Variants in GARIN1A observed in about 807,000 individuals in gnomAD.
GARIN1A encodes the protein golgi associated RAB2 interactor 1A.
chr7:128,709,100 A>AT, the GARIN1A span: 2 of 152,156 alleles, frequency 1.3e-5, no homozygotes, highest in Admixed American at 1.3e-4. Flanking sequence ...AGACATAATG[A>AT]TGGCAGGAGC....
chr7:128,688,941 C>G, the GARIN1A span, among the ~76,000 whole-genome samples: 4 of 151,578 alleles, frequency 2.6e-5, no homozygotes, highest in South Asian at 8.4e-4. Flanking sequence ...CCTGCGATTG[C>G]AGGCGCGCGC....
At chr7:128,700,311 C>T in the GARIN1A span, among the ~76,000 whole-genome samples, 2 of 145,436 alleles carry the variant, frequency 1.4e-5, no homozygotes, top group Admixed American at 6.9e-5. Flanking sequence ...AACGGAGTCT[C>T]TCTCTGTCAC....
At chr7:128,706,968 A>G in the GARIN1A span, among the ~76,000 whole-genome samples, 1 of 151,540 alleles carries the variant, frequency 6.6e-6, no homozygotes, top group African/African-American at 2.4e-5. Context: ...GGTGATGAGG[A>G]CTCAGGGGCC....
At chr7:128,683,005 A>G in the GARIN1A span, 1 of 1,610,372 alleles carries the variant, frequency 6.2e-7, no homozygotes, top group Non-Finnish European at 8.5e-7. Context: ...TGCAGCAGCT[A>G]CAAGATACCC....
At chr7:128,680,172 TC>T in the GARIN1A span, 2 of 1,388,818 alleles carry the variant, frequency 1.4e-6, no homozygotes, top group South Asian at 1.3e-5. Flanking sequence ...TGGGGTCAGC[TC>T]CAGATCCCTT....
chr7:128,673,567 A>G, the GARIN1A span, among the ~76,000 whole-genome samples: 1 of 152,178 alleles, frequency 6.6e-6, no homozygotes, highest in African/African-American at 2.4e-5. Flanking sequence ...ACCCATTCAA[A>G]TGGAATGGGA....
At chr7:128,676,850 A>G in the GARIN1A span, among the ~76,000 whole-genome samples, 6 of 152,006 alleles carry the variant, frequency 3.9e-5, no homozygotes, top group Non-Finnish European at 7.4e-5. Context: ...TCTAAGCCTC[A>G]GCCTCGAAAT....
the GARIN1A span, among the ~76,000 whole-genome samples, chr7:128,697,074 AT>A: frequency 6.6e-6 from 1 of 152,236 alleles, no homozygotes; most frequent in South Asian, 2.1e-4. Context: ...TTGGAAAATC[AT>A]TACAAAGTTG....
the GARIN1A span, among the ~76,000 whole-genome samples, chr7:128,708,179 ATTT>A: frequency 1.5e-4 from 19 of 129,578 alleles, no homozygotes; most frequent in Non-Finnish European, 1.6e-4. Context: ...CACCTGGACA[ATTT>A]TTTTTTTTTT....
the GARIN1A span, among the ~76,000 whole-genome samples, chr7:128,694,443 A>G: frequency 1.3e-5 from 2 of 152,170 alleles, no homozygotes; most frequent in South Asian, 4.2e-4. Flanking sequence ...TGAGGCAGGG[A>G]CAATTGCTTG....
chr7:128,688,781 T>A, the GARIN1A span, among the ~76,000 whole-genome samples: 1 of 10,276 alleles, frequency 9.7e-5, no homozygotes, highest in Non-Finnish European at 1.8e-4. Context: ...CCCCTCCCCC[T>A]CCCCCTCCCC....
chr7:128,705,673 T>G, the GARIN1A span, among the ~76,000 whole-genome samples: 6 of 141,016 alleles, frequency 4.3e-5, no homozygotes, highest in Non-Finnish European at 9.2e-5. Flanking sequence ...TTTTTTTTTT[T>G]TTTTTTTTTG....
At chr7:128,707,208 T>TTGTGTGTGTGTGTG in the GARIN1A span, among the ~76,000 whole-genome samples, 1 of 94,780 alleles carries the variant, frequency 1.1e-5, no homozygotes, top group African/African-American at 4.2e-5. Context: ...ATTATTATTA[T>TTGTGTGTGTGTGTG]TGTGTGTATG....
the GARIN1A span, among the ~76,000 whole-genome samples, chr7:128,680,710 G>A: frequency 4.6e-5 from 7 of 151,974 alleles, no homozygotes; most frequent in African/African-American, 1.7e-4. Flanking sequence ...GATTACAGGC[G>A]ACCGCCACCA....
chr7:128,699,458 G>A, the GARIN1A span, among the ~76,000 whole-genome samples: 4 of 152,048 alleles, frequency 2.6e-5, no homozygotes, highest in African/African-American at 9.7e-5. Context: ...GAAGATTTTC[G>A]GGGATGCTTG....
the GARIN1A span, chr7:128,685,301 C>G: frequency 0.15 from 23,162 of 152,274 alleles, 1,987 homozygotes; most frequent in East Asian, 0.36. Flanking sequence ...ACAAGACAGA[C>G]GGACAAGTTA....
the GARIN1A span, among the ~76,000 whole-genome samples, chr7:128,701,421 GA>G: frequency 8.0e-5 from 2 of 25,092 alleles, no homozygotes; most frequent in Non-Finnish European, 9.5e-5. Flanking sequence ...AAGGGGAGGA[GA>G]GGGGAAGGGG....
chr7:128,675,702 G>A, the GARIN1A span: 24 of 1,613,822 alleles, frequency 1.5e-5, no homozygotes, highest in African/African-American at 3.1e-4. Context: ...CTGGAGAGAT[G>A]TCTGTGAAGG....
the GARIN1A span, among the ~76,000 whole-genome samples, chr7:128,689,894 C>A: frequency 6.6e-6 from 1 of 151,528 alleles, no homozygotes; most frequent in Admixed American, 6.6e-5. Flanking sequence ...GGCCACCACC[C>A]CGTCTGGGAG....
Sources: allele counts gnomAD v4.1 joint callset (sites outside exome capture counted in the v4.1 genomes callset), GRCh38; gene constraint gnomAD v4.1.1; transcripts MANE v1.5; gene names NCBI Gene and HGNC (gene_info 2026-07-23, HGNC 2026-07-21).